Variants in FARP2 observed in about 807,000 individuals in gnomAD.
FARP2 encodes the protein FERM, ARHGEF and pleckstrin domain-containing protein 2.
A neutral mutation model predicts 130.5 loss-of-function variants in FARP2; 111 were observed. That is an observed-to-expected ratio of 0.85 (90% CI 0.73 to 1.00). FARP2 has a LOEUF of 1.00. Among genes scored for constraint, FARP2 ranks in the 50% least tolerant of loss-of-function variants. The pLI is 0.00. For synonymous variants in FARP2, 504 were observed against 516.9 expected (o/e 0.98, Z 0.34); for missense variants, 1,385 against 1,346.3 (o/e 1.03, Z -0.45).
intron 18 of FARP2, chr2:241,471,191 G>A (rs2064296052): frequency 6.6e-6 from 1 of 152,252 alleles, no homozygotes; most frequent in Admixed American, 6.6e-5. Flanking sequence ...TTCTTCTGAG[G>A]GGACCCTGTT....
In FARP2 at chr2:241,490,397, G is replaced by A. The variant is rs560694835; in HGVS notation, c.2504+353G>A. ...GGCGCTTCCCCAACCCTCACGTCAA[G>A]AAGTGCCAGCAGCTAGTGGTCAAAG... is the stretch of plus-strand genomic sequence containing the variant. On this transcript the variant is annotated intron_variant, in intron 22 of 26. Transcript: ENST00000264042. Among the ~76,000 whole-genome samples, 19 of 152,272 alleles carry A rather than the reference G, an allele frequency of 1.2e-4. 2 individuals carry two copies. In the South Asian group the frequency reaches 3.7e-3, roughly 30 times the overall value.
At chr2:241,450,838 G>A (rs1281006561) in intron 13 of FARP2, among the ~76,000 whole-genome samples, 5 of 152,110 alleles carry the variant, frequency 3.3e-5, no homozygotes, top group South Asian at 2.1e-4. Flanking sequence ...TGTAATCCCC[G>A]CTACTTGGGA....
At chr2:241,360,368 C>T (rs76944899) in intron 1 of FARP2, among the ~76,000 whole-genome samples, 3,395 of 152,122 alleles carry the variant, frequency 0.022, 109 homozygotes, top group African/African-American at 0.068. Flanking sequence ...AGGCTGGGAG[C>T]GGTGGCTCAC....
At chr2:241,388,318 A>C (rs28446697) in intron 2 of FARP2, among the ~76,000 whole-genome samples, 5,207 of 152,310 alleles carry the variant, frequency 0.034, 287 homozygotes, top group African/African-American at 0.12. Context: ...ATGTCAAGAC[A>C]ATCAATGGGA....
At chr2:241,474,493 A>C (rs10196248) in intron 18 of FARP2, among the ~76,000 whole-genome samples, 56,549 of 150,984 alleles carry the variant, frequency 0.37, 10,824 homozygotes, top group Admixed American at 0.52. Context: ...GTCATGATAG[A>C]AACAAGGGAG....
chr2:241,410,974 A>T lies in FARP2; in HGVS notation c.411-59A>T, dbSNP rs113542172. The stretch of plus-strand genomic sequence containing the variant: ...GCTGTCTTGCTGTGGAGACATGTCT[A>T]TGTTACATTCAGAGAACATTTGGAA... On this transcript the variant is annotated intron_variant, in intron 5 of 26. Coordinates refer to ENST00000264042, the MANE Select transcript of FARP2 (RefSeq NM_014808.4). The T allele has an allele frequency of 2.6e-6, 3 of 1,164,194 alleles. No homozygotes were observed. In the African/African-American group the frequency reaches 4.5e-5, roughly 18 times the overall value. 72.1% of individuals were successfully genotyped at this position (1,164,194 alleles called of 1,614,324 possible).
intron 2 of FARP2, among the ~76,000 whole-genome samples, chr2:241,394,932 G>A (rs560599954): frequency 6.6e-6 from 1 of 152,202 alleles, no homozygotes; most frequent in Non-Finnish European, 1.5e-5. Context: ...TGTGTGTGAT[G>A]TTTTCTGGTG....
Position 241,463,386 on chromosome 2 carries a change from A to G in FARP2, c.1729A>G (p.Thr577Ala). ...KEDAMPATLMTLLFSNIDPIY... is the reference protein window; with the variant it reads ...KEDAMPATLMALLFSNIDPIY... ...GGACGCCATGCCTGCGACTCTGATGACGCTGCTCTTCTCCAACATCGATCC... is the reference window on the plus strand; with the variant it reads ...GGACGCCATGCCTGCGACTCTGATGGCGCTGCTCTTCTCCAACATCGATCC... The change falls in exon 16 of 27, where the codon ACG becomes GCG. Residue 577 changes from threonine to alanine, a missense_variant. By Grantham distance (58) the Thr-to-Ala change is moderately conservative. Coordinates refer to ENST00000264042, the MANE Select transcript of FARP2 (RefSeq NM_014808.4). 6.2e-7 allele frequency: 1 copy of G among 1,614,126 alleles called. No homozygotes were observed. Among genetic ancestry groups the G allele is most frequent in the Non-Finnish European group, 8.5e-7 (1 of 1,180,020 alleles).
Position 241,373,067 on chromosome 2 carries a change from T to C in FARP2, c.-24-17T>C. On this transcript the variant is annotated splice_polypyrimidine_tract_variant and intron_variant, in intron 1 of 26. Transcript: ENST00000264042. Reference sequence around the variant, plus strand: ...TGTGATAATTCCTTCATGTGGTTTTTTTTTTTTTCATTTTAGTGTTTTCTT... The same window carrying C: ...TGTGATAATTCCTTCATGTGGTTTTCTTTTTTTTCATTTTAGTGTTTTCTT... 1 of 1,270,452 alleles carries C rather than the reference T, an allele frequency of 7.9e-7. No homozygotes were observed. Among genetic ancestry groups the C allele is most frequent in the Non-Finnish European group, 1.0e-6 (1 of 970,900 alleles). The allele number at this position is 1,270,452 out of a possible 1,614,324, so 78.7% of individuals were successfully genotyped here.
intron 2 of FARP2, among the ~76,000 whole-genome samples, chr2:241,383,935 G>A (rs1217469407): frequency 6.6e-6 from 1 of 152,082 alleles, no homozygotes; most frequent in Non-Finnish European, 1.5e-5. Context: ...GCTATGTCCT[G>A]AAGGAATGTG....
At chr2:241,357,014 C>T (rs2061083994) in intron 1 of FARP2, among the ~76,000 whole-genome samples, 2 of 152,204 alleles carry the variant, frequency 1.3e-5, no homozygotes, top group African/African-American at 4.8e-5. Context: ...CAGAATATGG[C>T]CCAGTACATT....
intron 23 of FARP2, 116 bp downstream of exon 23, chr2:241,491,295 A>T: frequency 1.1e-6 from 1 of 895,992 alleles, no homozygotes; most frequent in Non-Finnish European, 1.8e-6. Flanking sequence ...ATCCCCTTCC[A>T]CAAGGAATGT....
At chr2:241,492,784 A>C in intron 24 of FARP2, 145 bp from the exon 25 acceptor site, 1 of 590,908 alleles carries the variant, frequency 1.7e-6, no homozygotes, top group Non-Finnish European at 3.0e-6. Flanking sequence ...AGTACTGATA[A>C]AGCTGCTGTT....
intron 5 of FARP2, among the ~76,000 whole-genome samples, chr2:241,410,021 A>G (rs992971294): frequency 7.2e-5 from 11 of 152,290 alleles, no homozygotes; most frequent in Middle Eastern, 3.4e-3. Context: ...GCACTGGGGC[A>G]TGAATTCCAC....
intron 9 of FARP2, among the ~76,000 whole-genome samples, chr2:241,432,536 C>T (rs889046515): frequency 2.6e-5 from 4 of 152,186 alleles, no homozygotes; most frequent in African/African-American, 9.7e-5. Flanking sequence ...AGGAGTATCC[C>T]CAGTGTTCTC....
At chr2:241,442,391 C>G (rs1306429413) in intron 13 of FARP2, 1 of 456,716 alleles carries the variant, frequency 2.2e-6, no homozygotes, top group South Asian at 1.5e-5. Context: ...TCATGGGACT[C>G]TGAAACCGAG....
intron 21 of FARP2, chr2:241,488,593 G>A (rs539452791): frequency 1.3e-5 from 2 of 151,902 alleles, no homozygotes; most frequent in South Asian, 2.1e-4. Flanking sequence ...GTAGAGACGG[G>A]GTTTCACCGT....
chr2:241,416,845 C>T (rs2062685650), intron 7 of FARP2, among the ~76,000 whole-genome samples: 2 of 151,514 alleles, frequency 1.3e-5, no homozygotes, highest in Non-Finnish European at 2.9e-5. Flanking sequence ...GGAGGCAGAG[C>T]TTGCAGTGAG....
At chr2:241,453,515 G>A (rs1217971691) in intron 13 of FARP2, among the ~76,000 whole-genome samples, 7 of 149,236 alleles carry the variant, frequency 4.7e-5, no homozygotes, top group African/African-American at 1.5e-4. Context: ...CCAGCTACTC[G>A]GGAGGCTGAG....
Sources: gnomAD v4.1 joint callset for allele counts (sites outside exome capture counted in the v4.1 genomes callset) on GRCh38, gnomAD v4.1.1 for gene constraint, MANE v1.5 for transcripts, NCBI Gene and HGNC (gene_info 2026-07-23, HGNC 2026-07-21) for gene names.